APBB2: variants seen among roughly 807,000 people sequenced by gnomAD.
APBB2 encodes amyloid beta precursor protein binding family B member 2.
Under a neutral mutation model 82.5 loss-of-function variants are expected in APBB2, and 38 were observed. That is an observed-to-expected ratio of 0.46 (90% CI 0.36 to 0.60). APBB2 has a LOEUF of 0.60. Ranked by LOEUF, APBB2 falls within the 20% of genes least tolerant of loss-of-function variation. The probability of loss-of-function intolerance (pLI) is 0.00; values close to 1 mark genes in which losing one functional copy is unlikely to be tolerated. For missense variants in APBB2, 772 were observed against 972.3 expected, an observed-to-expected ratio of 0.79 and a Z score of 2.74; for synonymous variants, 341 against 368.2, an observed-to-expected ratio of 0.93 and a Z score of 0.85.
chr4:41,141,322 GTGTGTGTGTCTGTGTGTGTGTGTGTC>G (rs199875071), intron 2 of APBB2, among the ~76,000 whole-genome samples: 19,759 of 59,020 alleles, frequency 0.33, 1,642 homozygotes, highest in East Asian at 0.46. Flanking sequence ...GTCTGTGTGT[GTGTGTGTGTCTGTGTGTGTGTGTGTC>G]TGTGTGTCTG....
At chr4:41,130,364 G>A (rs368647238) in intron 2 of APBB2, among the ~76,000 whole-genome samples, 47 of 152,256 alleles carry the variant, frequency 3.1e-4, no homozygotes, top group Admixed American at 1.4e-3. Context: ...GACCTTCAGC[G>A]TAGATCCATT....
intron 6 of APBB2, among the ~76,000 whole-genome samples, chr4:40,990,869 G>A (rs886613731): frequency 6.6e-6 from 1 of 152,120 alleles, no homozygotes; most frequent in Non-Finnish European, 1.5e-5. Flanking sequence ...GCTCATGAAG[G>A]TGTAAATTGG....
In APBB2 at chr4:40,818,410, A is replaced by T. The variant is rs535398885; in HGVS notation, c.2113-2151T>A. ...CAGAAAACCAACTGTAGCCAAAGAGATAAAACTCATTGTCGTTATCACTTA... is the reference window on the plus strand; with the variant it reads ...CAGAAAACCAACTGTAGCCAAAGAGTTAAAACTCATTGTCGTTATCACTTA... On this transcript the variant is annotated intron_variant, in intron 17 of 17. Coordinates refer to ENST00000508593, the MANE Select transcript of APBB2 (RefSeq NM_004307.2). 2.6e-5 allele frequency among the ~76,000 whole-genome samples: 4 copies of T among 152,352 alleles called. No homozygotes were observed. In the South Asian group the frequency reaches 8.3e-4, roughly 32 times the overall value.
At chr4:41,049,269 C>A (rs1188568646) in intron 4 of APBB2, among the ~76,000 whole-genome samples, 3 of 149,928 alleles carry the variant, frequency 2.0e-5, no homozygotes, top group Non-Finnish European at 4.4e-5. Flanking sequence ...GCGTCTCTGC[C>A]CGGCCGCCCC....
chr4:41,064,660 A>C (rs1731064120), intron 4 of APBB2, among the ~76,000 whole-genome samples: 1 of 152,234 alleles, frequency 6.6e-6, no homozygotes, highest in Non-Finnish European at 1.5e-5. Context: ...GGGTAACGAC[A>C]AATAGGAAAA....
chr4:41,058,652 A>G (rs1328933235), intron 4 of APBB2, among the ~76,000 whole-genome samples: 2 of 152,230 alleles, frequency 1.3e-5, no homozygotes, highest in African/African-American at 4.8e-5. Flanking sequence ...ACTCAGGTTC[A>G]TGGCATCTCA....
chr4:41,117,190 G>A (rs1751272909), intron 2 of APBB2, among the ~76,000 whole-genome samples: 1 of 151,848 alleles, frequency 6.6e-6, no homozygotes, highest in South Asian at 2.1e-4. Flanking sequence ...TTTACTAAGA[G>A]TTTCTCATGG....
chr4:41,136,873 G>C (rs1757723328), intron 2 of APBB2, among the ~76,000 whole-genome samples: 1 of 152,018 alleles, frequency 6.6e-6, no homozygotes, highest in Non-Finnish European at 1.5e-5. Context: ...TGATCAACTA[G>C]ATTCCAAATG....
At chr4:41,085,411 C>T (rs1739307254) in intron 3 of APBB2, among the ~76,000 whole-genome samples, 1 of 152,024 alleles carries the variant, frequency 6.6e-6, no homozygotes, top group Non-Finnish European at 1.5e-5. Flanking sequence ...TTCAGAAAAT[C>T]AGAATTAAAA....
At chr4:41,009,694 C>T (rs896695875) in intron 6 of APBB2, among the ~76,000 whole-genome samples, 20 of 105,504 alleles carry the variant, frequency 1.9e-4, no homozygotes, top group South Asian at 5.3e-4. Flanking sequence ...ATGTATTTAA[C>T]ACACAGCAAG....
At chr4:40,820,184 G>A (rs1480418427) in intron 17 of APBB2, among the ~76,000 whole-genome samples, 1 of 152,186 alleles carries the variant, frequency 6.6e-6, no homozygotes, top group East Asian at 1.9e-4. Context: ...CCCCCAGCCA[G>A]GCAGCTCGGT....
intron 10 of APBB2, among the ~76,000 whole-genome samples, chr4:40,911,782 A>G (rs1778633783): frequency 1.4e-5 from 2 of 146,792 alleles, no homozygotes; most frequent in Non-Finnish European, 3.0e-5. Flanking sequence ...ACCTAGGGGG[A>G]CACGGATTCC....
chr4:41,197,155 TTG>T, intron 1 of APBB2, among the ~76,000 whole-genome samples: 1 of 152,202 alleles, frequency 6.6e-6, no homozygotes, highest in Non-Finnish European at 1.5e-5. Flanking sequence ...GTACACAACT[TTG>T]TGCCAATGTC....
intron 2 of APBB2, among the ~76,000 whole-genome samples, chr4:41,119,050 G>A (rs956794387): frequency 6.6e-6 from 1 of 152,072 alleles, no homozygotes; most frequent in Non-Finnish European, 1.5e-5. Flanking sequence ...GGGGCAGGAA[G>A]ATGGTTTGAG....
intron 6 of APBB2, among the ~76,000 whole-genome samples, chr4:40,965,674 T>C (rs1794505448): frequency 6.6e-6 from 1 of 152,248 alleles, no homozygotes; most frequent in Non-Finnish European, 1.5e-5. Context: ...TTTACTTATT[T>C]GAATGTGGCT....
At position 40,981,018 on chromosome 4, in the gene APBB2, T is replaced by C. The variant is rs79699424; in HGVS notation, c.835+32565A>G. On this transcript the variant is annotated intron_variant, in intron 6 of 17. Coordinates refer to ENST00000508593, the MANE Select transcript of APBB2 (RefSeq NM_004307.2). ...ATGAGACTCAGGGAATGCACATTTA[T>C]AACACACTGAATCTTCTGCACACTA... Among the ~76,000 whole-genome samples, 679 of 152,324 alleles carry C rather than the reference T, an allele frequency of 4.5e-3. 5 individuals carry two copies. Among genetic ancestry groups the C allele is most frequent in the African/African-American group, 0.015 (625 of 41,570 alleles).
At chr4:41,026,226 T>C (rs1207635876) in intron 5 of APBB2, among the ~76,000 whole-genome samples, 1 of 152,092 alleles carries the variant, frequency 6.6e-6, no homozygotes, top group Admixed American at 6.5e-5. Flanking sequence ...AAGATAACTA[T>C]TGGGTACTGA....
At chr4:41,008,351 A>C (rs1279464898) in intron 6 of APBB2, among the ~76,000 whole-genome samples, 1 of 152,238 alleles carries the variant, frequency 6.6e-6, no homozygotes, top group Admixed American at 6.5e-5. Flanking sequence ...ATATGTAGCC[A>C]ATGCCAAAAC....
intron 6 of APBB2, among the ~76,000 whole-genome samples, chr4:40,967,110 A>C (rs1403185609): frequency 6.6e-6 from 1 of 152,046 alleles, no homozygotes; most frequent in African/African-American, 2.4e-5. Flanking sequence ...AGAGGCGCTA[A>C]CCCAGTGGGT....
Sources: gnomAD v4.1 joint callset for allele counts (sites outside exome capture counted in the v4.1 genomes callset) on GRCh38, gnomAD v4.1.1 for gene constraint, MANE v1.5 for transcripts, NCBI Gene and HGNC (gene_info 2026-07-23, HGNC 2026-07-21) for gene names.